Variants in LRRTM3 observed in about 807,000 individuals in gnomAD.
LRRTM3 encodes the protein leucine rich repeat transmembrane neuronal 3.
A neutral mutation model predicts 44.7 loss-of-function variants in LRRTM3; 24 were observed. The ratio of observed to expected loss-of-function variants is 0.54; its 90% CI spans 0.39 to 0.76. The LOEUF is 0.76. Among genes scored for constraint, LRRTM3 ranks in the 30% least tolerant of loss-of-function variants. LRRTM3 has a pLI of 0.00. For synonymous variants in LRRTM3, 277 were observed against 278.7 expected (o/e 0.99, Z 0.06); for missense variants, 587 against 702.2 (o/e 0.84, Z 1.85).
At chr10:67,083,281 G>A (rs1378872434) in intron 2 of LRRTM3, among the ~76,000 whole-genome samples, 1 of 152,050 alleles carries the variant, frequency 6.6e-6, no homozygotes, top group Non-Finnish European at 1.5e-5. Context: ...CCAAATAGCT[G>A]CCTTTTCATT....
intron 2 of LRRTM3, among the ~76,000 whole-genome samples, chr10:66,944,728 A>G (rs1290430537): frequency 1.3e-5 from 2 of 152,182 alleles, no homozygotes; most frequent in Non-Finnish European, 2.9e-5. Context: ...TATTTCTTAA[A>G]TAATACTCTT....
intron 2 of LRRTM3, among the ~76,000 whole-genome samples, chr10:66,978,541 A>ATAAAATAAAAATAAAAAAAATAAAT (rs1437563245): frequency 1.8e-5 from 2 of 111,194 alleles, no homozygotes; most frequent in Non-Finnish European, 3.7e-5. Flanking sequence ...AAAAAAAAAA[A>ATAAAATAAAAATAAAAAAAATAAAT]AAAAAAAAAA....
chr10:66,937,506 T>C (rs1303632201), intron 2 of LRRTM3, among the ~76,000 whole-genome samples: 1 of 152,152 alleles, frequency 6.6e-6, no homozygotes. Flanking sequence ...AAAGTCATAT[T>C]ACACTACCTA....
At chr10:66,978,051 CA>C (rs1850153902) in intron 2 of LRRTM3, among the ~76,000 whole-genome samples, 1 of 113,262 alleles carries the variant, frequency 8.8e-6, no homozygotes, top group Admixed American at 8.0e-5. Context: ...AATTTGCACA[CA>C]CATATATATA....
chr10:66,939,263 C>T (rs562384105), intron 2 of LRRTM3, among the ~76,000 whole-genome samples: 1 of 152,144 alleles, frequency 6.6e-6, no homozygotes, highest in Non-Finnish European at 1.5e-5. Flanking sequence ...CTCCTTTCCT[C>T]CCTTCTGTTC....
At chr10:66,990,013 G>A (rs773490885) in intron 2 of LRRTM3, among the ~76,000 whole-genome samples, 6 of 152,114 alleles carry the variant, frequency 3.9e-5, no homozygotes, top group Admixed American at 1.3e-4. Context: ...TATATTATAC[G>A]AAGAGAAATG....
chr10:66,976,910 G>A (rs1169838119), intron 2 of LRRTM3, among the ~76,000 whole-genome samples: 1 of 152,082 alleles, frequency 6.6e-6, no homozygotes, highest in African/African-American at 2.4e-5. Flanking sequence ...CTACTTTGAT[G>A]TGCTTATCAT....
chr10:67,097,819 G>T lies in LRRTM3; in HGVS notation c.*23G>T. The T allele has an allele frequency of 3.1e-6, 5 of 1,605,604 alleles. No homozygotes were observed. The highest frequency in any genetic ancestry group is 4.3e-6 in the Non-Finnish European group (5 of 1,173,022). On this transcript the variant is annotated 3_prime_UTR_variant, in exon 3 of 3. Transcript: ENST00000361320. ...TAACTGAGATCATTGGTAGCCAGGG[G>T]TTGCTACCAAACTTTGTAACCTCAA...
chr10:67,019,000 CT>C (rs1852826609), intron 2 of LRRTM3, among the ~76,000 whole-genome samples: 1 of 152,172 alleles, frequency 6.6e-6, no homozygotes, highest in African/African-American at 2.4e-5. Context: ...TCATAAGTAT[CT>C]TGAGAGCAGG....
At chr10:66,960,637 C>A (rs1849057266) in intron 2 of LRRTM3, among the ~76,000 whole-genome samples, 1 of 152,130 alleles carries the variant, frequency 6.6e-6, no homozygotes, top group Non-Finnish European at 1.5e-5. Flanking sequence ...CATATTCCAT[C>A]TTTGACATTC....
At chr10:67,045,311 T>C (rs1234816986) in intron 2 of LRRTM3, among the ~76,000 whole-genome samples, 1 of 152,218 alleles carries the variant, frequency 6.6e-6, no homozygotes, top group African/African-American at 2.4e-5. Context: ...GAGTCCATGA[T>C]ATACTTTAAA....
At chr10:67,062,863 G>A (rs2133225473) in intron 2 of LRRTM3, among the ~76,000 whole-genome samples, 1 of 152,282 alleles carries the variant, frequency 6.6e-6, no homozygotes, top group Admixed American at 6.5e-5. Context: ...CAGACCTGAA[G>A]TTTGTGTGGG....
Position 66,934,408 on chromosome 10 carries a change from C to T in LRRTM3, c.1536+5956C>T, listed in dbSNP as rs947675097. 4.6e-5 allele frequency among the ~76,000 whole-genome samples: 7 copies of T among 152,166 alleles called. No individual in the cohort carries two copies. In the South Asian group the frequency reaches 1.5e-3, roughly 32 times the overall value. On this transcript the variant is annotated intron_variant, in intron 2 of 2. Transcript: ENST00000361320. ...AAATGTCTTCCTTTATAAACCAACA[C>T]AATTCAGTCATTTGGCTCAAAAGAG...
chr10:66,978,552 A>ATATATATATATATATAT (rs1197845049), intron 2 of LRRTM3, among the ~76,000 whole-genome samples: 73 of 37,888 alleles, frequency 1.9e-3, no homozygotes, highest in Non-Finnish European at 2.7e-3. Flanking sequence ...AAAAAAAAAA[A>ATATATATATATATATAT]ATATATATAT....
intron 2 of LRRTM3, among the ~76,000 whole-genome samples, chr10:67,025,500 A>G (rs1426799065): frequency 6.6e-6 from 1 of 152,196 alleles, no homozygotes; most frequent in African/African-American, 2.4e-5. Context: ...CAGACTTCCT[A>G]TATAATAATA....
At chr10:67,001,171 T>G (rs1273698362) in intron 2 of LRRTM3, among the ~76,000 whole-genome samples, 1 of 150,476 alleles carries the variant, frequency 6.6e-6, no homozygotes, top group Admixed American at 6.6e-5. Context: ...GGTGGTGGTG[T>G]GTGCCTGTAA....
chr10:66,967,349 TAG>T (rs1589511754), intron 2 of LRRTM3, among the ~76,000 whole-genome samples: 2 of 151,570 alleles, frequency 1.3e-5, no homozygotes, highest in East Asian at 3.9e-4. Flanking sequence ...TATATATAGA[TAG>T]ATAGATAGAT....
intron 2 of LRRTM3, among the ~76,000 whole-genome samples, chr10:66,969,440 T>C (rs1358624226): frequency 1.3e-5 from 2 of 152,156 alleles, no homozygotes; most frequent in African/African-American, 4.8e-5. Flanking sequence ...ATGTATAATA[T>C]CAAAAAGTTG....
At chr10:66,945,114 C>T (rs1009248854) in intron 2 of LRRTM3, among the ~76,000 whole-genome samples, 7 of 152,170 alleles carry the variant, frequency 4.6e-5, no homozygotes, top group Non-Finnish European at 1.0e-4. Flanking sequence ...CTCAGCTTGT[C>T]CTTTGGAGCT....
Sources: gnomAD v4.1 joint callset for allele counts (sites outside exome capture counted in the v4.1 genomes callset) on GRCh38, gnomAD v4.1.1 for gene constraint, MANE v1.5 for transcripts, NCBI Gene and HGNC (gene_info 2026-07-23, HGNC 2026-07-21) for gene names.